Variants in HPSE2 observed in about 807,000 individuals in gnomAD.
The protein encoded by HPSE2 is heparanase 2 (inactive).
Under a neutral mutation model 60.5 loss-of-function variants are expected in HPSE2, and 38 were observed. That is an observed-to-expected ratio of 0.63 (90% CI 0.48 to 0.82). The LOEUF (loss-of-function observed/expected upper bound fraction) is 0.82. HPSE2 is among the 40% of genes least tolerant of loss of function. The pLI is 0.00. For synonymous variants in HPSE2, 295 were observed against 293.2 expected (o/e 1.01, Z -0.06); for missense variants, 713 against 740.4 (o/e 0.96, Z 0.43).
At chr10:98,815,814 A>C (rs1951273567) in intron 3 of HPSE2, among the ~76,000 whole-genome samples, 1 of 152,080 alleles carries the variant, frequency 6.6e-6, no homozygotes, top group African/African-American at 2.4e-5. Flanking sequence ...GTTCTATGTT[A>C]GAGTTGGCCA....
At chr10:98,807,806 G>C (rs1951075762) in intron 3 of HPSE2, among the ~76,000 whole-genome samples, 1 of 152,130 alleles carries the variant, frequency 6.6e-6, no homozygotes, top group Admixed American at 6.6e-5. Flanking sequence ...AATTATAAAA[G>C]AAATAGAATA....
intron 2 of HPSE2, among the ~76,000 whole-genome samples, chr10:99,214,626 C>CA (rs1372238934): frequency 6.6e-6 from 1 of 151,992 alleles, no homozygotes; most frequent in African/African-American, 2.4e-5. Flanking sequence ...ATCTACACAT[C>CA]AAAAGAAACT....
intron 6 of HPSE2, among the ~76,000 whole-genome samples, chr10:98,651,603 T>C (rs1946917142): frequency 6.6e-6 from 1 of 152,156 alleles, no homozygotes. Context: ...CAAATTCACT[T>C]TGGTTATCTA....
chr10:98,507,856 A>G (rs1467230179), intron 9 of HPSE2, among the ~76,000 whole-genome samples: 1 of 152,186 alleles, frequency 6.6e-6, no homozygotes, highest in African/African-American at 2.4e-5. Flanking sequence ...AATGAAACAA[A>G]TGAAATGACT....
upstream of HPSE2, among the ~76,000 whole-genome samples, chr10:99,240,409 C>CTT (rs1300852308): frequency 1.5e-4 from 18 of 117,180 alleles, no homozygotes; most frequent in East Asian, 2.4e-4. Context: ...CAATGATTTT[C>CTT]TTTTTTTTTT....
intron 3 of HPSE2, among the ~76,000 whole-genome samples, chr10:98,973,661 G>C (rs1956014307): frequency 1.3e-5 from 2 of 151,958 alleles, no homozygotes; most frequent in African/African-American, 4.8e-5. Context: ...TATAACAAAA[G>C]GTAAATCTTA....
At chr10:98,679,818 T>A (rs976831795) in intron 6 of HPSE2, among the ~76,000 whole-genome samples, 1 of 152,014 alleles carries the variant, frequency 6.6e-6, no homozygotes, top group African/African-American at 2.4e-5. Flanking sequence ...CAGTGTCCTG[T>A]GTAGCTAGAA....
intron 3 of HPSE2, among the ~76,000 whole-genome samples, chr10:98,765,611 G>A (rs1034887475): frequency 3.3e-5 from 5 of 151,990 alleles, no homozygotes; most frequent in Admixed American, 6.6e-5. Flanking sequence ...AGGCCGAGAC[G>A]GGTGGATCAT....
chr10:99,114,768 G>C (rs1326396993), intron 3 of HPSE2, among the ~76,000 whole-genome samples: 1 of 151,612 alleles, frequency 6.6e-6, no homozygotes, highest in African/African-American at 2.4e-5. Context: ...CAAAAAATTG[G>C]CTGGGCGTGG....
the HPSE2 span, among the ~76,000 whole-genome samples, chr10:99,248,062 G>T: frequency 3.3e-5 from 5 of 152,292 alleles, no homozygotes; most frequent in East Asian, 9.6e-4. Context: ...GTGTGAAAAT[G>T]ACTAATACAG....
intron 3 of HPSE2, among the ~76,000 whole-genome samples, chr10:98,986,851 A>T (rs895915079): frequency 6.6e-6 from 1 of 152,342 alleles, no homozygotes; most frequent in Admixed American, 6.5e-5. Flanking sequence ...ACCATCAGAG[A>T]ATACTATAAA....
intron 3 of HPSE2, among the ~76,000 whole-genome samples, chr10:98,952,371 T>C (rs1038719373): frequency 6.8e-6 from 1 of 147,434 alleles, no homozygotes; most frequent in East Asian, 2.0e-4. Context: ...AGGGTGGGTA[T>C]AGTAGGGCAA....
At chr10:99,274,205 G>A in the HPSE2 span, among the ~76,000 whole-genome samples, 17 of 152,158 alleles carry the variant, frequency 1.1e-4, no homozygotes, top group Admixed American at 3.3e-4. Flanking sequence ...AAATTAGCCA[G>A]GCGTGGTGGC....
At chr10:99,051,453 G>A (rs963722807) in intron 3 of HPSE2, among the ~76,000 whole-genome samples, 1 of 152,084 alleles carries the variant, frequency 6.6e-6, no homozygotes, top group Admixed American at 6.6e-5. Flanking sequence ...TGTGCCAAAT[G>A]GTACAGAAAT....
intron 7 of HPSE2, among the ~76,000 whole-genome samples, chr10:98,630,704 AT>A (rs775289697): frequency 4.0e-5 from 6 of 151,618 alleles, no homozygotes; most frequent in African/African-American, 1.5e-4. Context: ...GTAATTTTCT[AT>A]TTTTTTTCCT....
intron 4 of HPSE2, among the ~76,000 whole-genome samples, chr10:98,731,803 A>T (rs1290664207): frequency 6.6e-6 from 1 of 152,196 alleles, no homozygotes. Flanking sequence ...GAGAAATAAA[A>T]AGCATCCAAA....
At chr10:98,598,974 C>T (rs1355200290) in intron 9 of HPSE2, among the ~76,000 whole-genome samples, 1 of 151,764 alleles carries the variant, frequency 6.6e-6, no homozygotes, top group Non-Finnish European at 1.5e-5. Context: ...TGAGGGGTGA[C>T]CTGGATCCTT....
intron 3 of HPSE2, among the ~76,000 whole-genome samples, chr10:98,965,095 T>C (rs1955781293): frequency 6.6e-6 from 1 of 152,186 alleles, no homozygotes; most frequent in South Asian, 2.1e-4. Flanking sequence ...CACCCACTTC[T>C]AACCTATCCT....
At chr10:98,535,298 A>G (rs1943249404) in intron 9 of HPSE2, among the ~76,000 whole-genome samples, 1 of 152,116 alleles carries the variant, frequency 6.6e-6, no homozygotes, top group Non-Finnish European at 1.5e-5. Flanking sequence ...AACTGCAGTG[A>G]GGGGAGAGGC....
Sources: gnomAD v4.1 joint callset for allele counts (sites outside exome capture counted in the v4.1 genomes callset) on GRCh38, gnomAD v4.1.1 for gene constraint, MANE v1.5 for transcripts, NCBI Gene and HGNC (gene_info 2026-07-23, HGNC 2026-07-21) for gene names.